GNA14: variants seen among roughly 807,000 people sequenced by gnomAD.
GNA14 encodes the protein G protein subunit alpha 14.
Under a neutral mutation model 42.0 loss-of-function variants are expected in GNA14, and 50 were observed. The observed-to-expected ratio is 1.19, with a 90% CI of 0.95 to 1.51. The LOEUF is 1.51. Ranked by LOEUF, GNA14 falls within the 40% of genes most tolerant of loss-of-function variation. The pLI is 0.00. For synonymous variants in GNA14, 173 were observed against 163.1 expected (o/e 1.06, Z -0.46); for missense variants, 473 against 446.2 (o/e 1.06, Z -0.54).
chr9:77,624,196 G>A (rs1037670312), intron 1 of GNA14, among the ~76,000 whole-genome samples: 15 of 152,178 alleles, frequency 9.9e-5, no homozygotes, highest in South Asian at 2.1e-4. Context: ...CTGCAAAGCC[G>A]CTGTGGCCAG....
chr9:77,456,335 C>T (rs866789837), intron 2 of GNA14: 7 of 152,024 alleles, frequency 4.6e-5, no homozygotes, highest in Non-Finnish European at 8.8e-5. Context: ...GTGCAACTCT[C>T]CAGACTAGAA....
intron 2 of GNA14, among the ~76,000 whole-genome samples, chr9:77,519,594 A>T (rs1014145309): frequency 6.6e-6 from 1 of 152,212 alleles, no homozygotes; most frequent in Non-Finnish European, 1.5e-5. Context: ...TGGGAGCTAA[A>T]CAATGTATAC....
intron 2 of GNA14, among the ~76,000 whole-genome samples, chr9:77,509,911 T>C (rs1415804593): frequency 6.6e-6 from 1 of 152,222 alleles, no homozygotes; most frequent in Non-Finnish European, 1.5e-5. Flanking sequence ...TTAAAGTGTC[T>C]AGTGGGAACG....
chr9:77,478,824 T>G (rs140447365), intron 2 of GNA14, among the ~76,000 whole-genome samples: 171 of 152,288 alleles, frequency 1.1e-3, no homozygotes, highest in African/African-American at 3.8e-3. Context: ...CATTAATGTC[T>G]TTTTTTGAGA....
intron 2 of GNA14, among the ~76,000 whole-genome samples, chr9:77,497,506 T>C (rs1005643420): frequency 6.6e-6 from 1 of 152,210 alleles, no homozygotes; most frequent in African/African-American, 2.4e-5. Context: ...GCTGAGTCTG[T>C]GTGCCTTCCC....
intron 1 of GNA14, among the ~76,000 whole-genome samples, chr9:77,643,228 G>T (rs991328223): frequency 6.6e-6 from 1 of 151,262 alleles, no homozygotes; most frequent in Non-Finnish European, 1.5e-5. Context: ...TTCAGAGTGG[G>T]AAGGTGTTGT....
At chr9:77,485,202 A>G (rs151046181) in intron 2 of GNA14, among the ~76,000 whole-genome samples, 4 of 152,170 alleles carry the variant, frequency 2.6e-5, no homozygotes, top group African/African-American at 7.2e-5. Context: ...ATAATACTCT[A>G]AATCTTTTGT....
chr9:77,483,054 T>C (rs1836587265), intron 2 of GNA14, among the ~76,000 whole-genome samples: 1 of 152,226 alleles, frequency 6.6e-6, no homozygotes, highest in Admixed American at 6.5e-5. Flanking sequence ...TTCTCTCAAC[T>C]CATCAAAGTC....
At position 77,641,117 on chromosome 9, in the gene GNA14, G is replaced by A. The variant is rs1824259634; in HGVS notation, c.124+6553C>T. Among the ~76,000 whole-genome samples, 3 of 29,682 alleles carry A rather than the reference G, an allele frequency of 1.0e-4. 1 individual carries two copies. The highest frequency in any genetic ancestry group is 6.6e-4 in the African/African-American group (3 of 4,528). 19.5% of individuals were successfully genotyped at this position (29,682 alleles called of 152,430 possible). On this transcript the variant is annotated intron_variant, in intron 1 of 6. Transcript: ENST00000341700. ...GAGGGGGGGGAAGGAAGGAAGGAAG[G>A]AAGGAAGGAAGGAAGGAAGGAAGGA... is the stretch of plus-strand genomic sequence containing the variant.
Position 77,571,089 on chromosome 9 carries a change from C to A in GNA14, c.125-41836G>T, listed in dbSNP as rs1166025607. Reference sequence around the variant, plus strand: ...AAATGGGCTAGAATTGTATAGCTACCACAACTGCATGGTGCTAGTAGTAGC... The same window carrying A: ...AAATGGGCTAGAATTGTATAGCTACAACAACTGCATGGTGCTAGTAGTAGC... On this transcript the variant is annotated intron_variant, in intron 1 of 6. Coordinates refer to ENST00000341700, the MANE Select transcript of GNA14 (RefSeq NM_004297.4). 3.9e-5 allele frequency among the ~76,000 whole-genome samples: 6 copies of A among 152,098 alleles called. No individual in the cohort carries two copies. In the South Asian group the frequency reaches 6.2e-4, roughly 16 times the overall value.
intron 2 of GNA14, among the ~76,000 whole-genome samples, chr9:77,526,197 C>T (rs1028685786): frequency 6.6e-6 from 1 of 151,866 alleles, no homozygotes; most frequent in African/African-American, 2.4e-5. Context: ...CAGGCACAAC[C>T]CACTGTGCCT....
chr9:77,537,065 GTC>G (rs1217649849), intron 1 of GNA14, among the ~76,000 whole-genome samples: 5 of 152,052 alleles, frequency 3.3e-5, no homozygotes, highest in African/African-American at 1.2e-4. Flanking sequence ...TATTTATCAT[GTC>G]TCTGTGTCAG....
intron 2 of GNA14, among the ~76,000 whole-genome samples, chr9:77,469,103 G>A (rs1836283704): frequency 6.6e-6 from 1 of 152,016 alleles, no homozygotes; most frequent in African/African-American, 2.4e-5. Flanking sequence ...GTCCCTGTAG[G>A]ATGCTTTACC....
At chr9:77,644,923 T>C (rs2118044673) in intron 1 of GNA14, among the ~76,000 whole-genome samples, 1 of 152,380 alleles carries the variant, frequency 6.6e-6, no homozygotes, top group Non-Finnish European at 1.5e-5. Context: ...CCTACTTTTA[T>C]GCAAGGAACT....
chr9:77,566,255 G>C (rs1022151306), intron 1 of GNA14, among the ~76,000 whole-genome samples: 2 of 149,068 alleles, frequency 1.3e-5, no homozygotes, highest in African/African-American at 2.5e-5. Context: ...CCCAGGTTCA[G>C]GCAATTCTTG....
intron 1 of GNA14, among the ~76,000 whole-genome samples, chr9:77,541,651 A>G (rs1417921013): frequency 6.6e-6 from 1 of 152,050 alleles, no homozygotes; most frequent in Non-Finnish European, 1.5e-5. Flanking sequence ...TTCTCTCTCT[A>G]TCCTTGAGGA....
chr9:77,623,772 G>A (rs886563567), intron 1 of GNA14, among the ~76,000 whole-genome samples: 4 of 152,178 alleles, frequency 2.6e-5, no homozygotes, highest in Admixed American at 6.5e-5. Context: ...TTCGGAACCC[G>A]CAGACCAGGA....
At chr9:77,506,244 C>T (rs995533668) in intron 2 of GNA14, among the ~76,000 whole-genome samples, 56 of 147,454 alleles carry the variant, frequency 3.8e-4, no homozygotes, top group African/African-American at 1.2e-3. Flanking sequence ...ATCACACCAC[C>T]GCACTCCAGC....
intron 2 of GNA14, among the ~76,000 whole-genome samples, chr9:77,490,328 G>A (rs1422306518): frequency 1.3e-5 from 2 of 152,250 alleles, no homozygotes; most frequent in East Asian, 1.9e-4. Context: ...TCACCTAGTG[G>A]ATCCCACACT....
Sources: allele counts gnomAD v4.1 joint callset (sites outside exome capture counted in the v4.1 genomes callset), GRCh38; gene constraint gnomAD v4.1.1; transcripts MANE v1.5; gene names NCBI Gene and HGNC (gene_info 2026-07-23, HGNC 2026-07-21).